The following ST13 variants were observed in gnomAD, a reference collection of about 807,000 sequenced individuals.
ST13 encodes the protein ST13 Hsp70 interacting protein, also known as hsc70-interacting protein.
Under a neutral mutation model 56.7 loss-of-function variants are expected in ST13, and 23 were observed. That is an observed-to-expected ratio of 0.41 (90% CI 0.29 to 0.57). The LOEUF is 0.57. ST13 is among the 20% of genes least tolerant of loss of function. The probability of loss-of-function intolerance (pLI) is 0.36; values close to 1 mark genes in which losing one functional copy is unlikely to be tolerated. For synonymous variants in ST13, 132 were observed against 142.4 expected, an observed-to-expected ratio of 0.93 and a Z score of 0.52; for missense variants, 369 against 459.9, an observed-to-expected ratio of 0.80 and a Z score of 1.81.
Position 40,844,829 on chromosome 22 carries a change from C to A in ST13, c.315+10G>T, listed in dbSNP as rs1312543645. On this transcript the variant is annotated intron_variant, in intron 4 of 11. Coordinates refer to ENST00000216218, the MANE Select transcript of ST13 (RefSeq NM_003932.5). ...TTAGAACAAGCAGGAAATCAAGTCACCGAACTTACCTCCGCATTTTCATCT... is the reference window on the plus strand; with the variant it reads ...TTAGAACAAGCAGGAAATCAAGTCAACGAACTTACCTCCGCATTTTCATCT... 2.5e-6 allele frequency: 4 copies of A among 1,610,888 alleles called. No individual in the cohort carries two copies. Among genetic ancestry groups the A allele is most frequent in the Non-Finnish European group, 3.4e-6 (4 of 1,177,572 alleles).
chr22:40,824,858 A>G lies in ST13; in HGVS notation c.*1680T>C, dbSNP rs534623242. On this transcript the variant is annotated 3_prime_UTR_variant, in exon 12 of 12. Coordinates refer to ENST00000216218, the MANE Select transcript of ST13 (RefSeq NM_003932.5). ...CATAATAGCTTTTTCTCATTTATGT[A>G]ACAGATGCATTTCTGTCTGCTTGTG... is the stretch of plus-strand genomic sequence containing the variant. 1 of 152,342 alleles carries G rather than the reference A, an allele frequency of 6.6e-6. No homozygotes were observed. The highest frequency in any genetic ancestry group is 2.4e-5 in the African/African-American group (1 of 41,584). 9.4% of individuals were successfully genotyped at this position (152,342 alleles called of 1,614,324 possible).
intron 3 of ST13, among the ~76,000 whole-genome samples, chr22:40,846,627 A>C (rs1345631370): frequency 6.6e-6 from 1 of 152,222 alleles, no homozygotes; most frequent in African/African-American, 2.4e-5. Context: ...CATTTTATAA[A>C]AAGTAAAAGA....
In ST13 at chr22:40,843,776, A is replaced by G. The variant is rs146271305; in HGVS notation, c.315+1063T>C. Among the ~76,000 whole-genome samples the G allele has an allele frequency of 1.1e-3, 166 of 152,366 alleles. 4 individuals carry two copies. In the East Asian group the frequency reaches 0.012, roughly 11 times the overall value. On this transcript the variant is annotated intron_variant, in intron 4 of 11. Coordinates refer to ENST00000216218, the MANE Select transcript of ST13 (RefSeq NM_003932.5). ...GAAATGAAATACAAAGCAGTAAGAAAAAGATCCAGCAAAAAGTGGAAAAAG... is the reference window on the plus strand; with the variant it reads ...GAAATGAAATACAAAGCAGTAAGAAGAAGATCCAGCAAAAAGTGGAAAAAG...
At chr22:40,833,327 T>A (rs980449432) in intron 7 of ST13, among the ~76,000 whole-genome samples, 2 of 152,046 alleles carry the variant, frequency 1.3e-5, no homozygotes, top group African/African-American at 4.8e-5. Flanking sequence ...CCCAGCACTT[T>A]GGGAGGCCGA....
intron 1 of ST13, 79 bp downstream of exon 1, chr22:40,856,352 G>C (rs1169917030): frequency 1.5e-6 from 2 of 1,306,840 alleles, no homozygotes; most frequent in Non-Finnish European, 2.2e-6. Flanking sequence ...TCGCCCGCCG[G>C]ACCGAGCCAG....
intron 7 of ST13, among the ~76,000 whole-genome samples, chr22:40,834,329 A>G (rs1602652288): frequency 6.6e-6 from 1 of 152,162 alleles, no homozygotes; most frequent in African/African-American, 2.4e-5. Flanking sequence ...AAAAACCTTC[A>G]AACTTTACTT....
chr22:40,835,653 T>C lies in ST13; in HGVS notation c.485A>G (p.Gln162Arg), dbSNP rs746356465. 2 of 1,613,882 alleles carry C rather than the reference T, an allele frequency of 1.2e-6. No homozygotes were observed. The highest frequency in any genetic ancestry group is 2.7e-5 in the African/African-American group (2 of 74,952). The change falls in exon 7 of 12, where the codon CAG becomes CGG. Residue 162 changes from glutamine to arginine, a missense_variant. By Grantham distance (43) the Gln-to-Arg change is conservative. Transcript: ENST00000216218. ...AKRASVFVKL[Q>R]KPNAAIRDCD... The stretch of plus-strand genomic sequence containing the variant: ...GTCTCGGATGGCAGCATTTGGCTTC[T>C]GTAATTTGACGAAGACACTGAAAAA...
At chr22:40,846,125 G>A (rs1258421466) in intron 3 of ST13, among the ~76,000 whole-genome samples, 2 of 152,052 alleles carry the variant, frequency 1.3e-5, no homozygotes, top group East Asian at 1.9e-4. Context: ...TAGTAGAGAT[G>A]GGGTTTCTCC....
intron 10 of ST13, among the ~76,000 whole-genome samples, chr22:40,828,635 T>C (rs1265572137): frequency 2.0e-5 from 3 of 151,294 alleles, no homozygotes; most frequent in Non-Finnish European, 4.4e-5. Context: ...AAAAATAATA[T>C]AGAGAAAGAC....
At chr22:40,835,484 T>C in intron 7 of ST13, 76 bp downstream of exon 7, 1 of 1,311,596 alleles carries the variant, frequency 7.6e-7, no homozygotes. Context: ...TTTTGTGTTT[T>C]TGTTTAAACA....
chr22:40,831,058 G>A, intron 8 of ST13, 102 bp from the exon 9 acceptor site: 2 of 771,362 alleles, frequency 2.6e-6, no homozygotes, highest in South Asian at 1.8e-5. Context: ...ATGCAGTTCA[G>A]AAAAATGACA....
chr22:40,830,120 AT>A (rs1290273043), intron 9 of ST13, among the ~76,000 whole-genome samples: 2 of 152,244 alleles, frequency 1.3e-5, no homozygotes, highest in African/African-American at 4.8e-5. Context: ...TGAACAAAAA[AT>A]AAATATCCCT....
At chr22:40,845,901 A>G (rs2057828788) in intron 3 of ST13, among the ~76,000 whole-genome samples, 1 of 152,162 alleles carries the variant, frequency 6.6e-6, no homozygotes, top group Non-Finnish European at 1.5e-5. Context: ...ATATATACAT[A>G]TATGTATATG....
chr22:40,832,419 G>A lies in ST13; in HGVS notation c.681+150C>T, dbSNP rs368582898. 50 of 626,420 alleles carry A rather than the reference G, an allele frequency of 8.0e-5. No individual in the cohort carries two copies. In the African/African-American group the frequency reaches 8.2e-4, roughly 10 times the overall value. The allele number at this position is 626,420 out of a possible 1,614,324, so 38.8% of individuals were successfully genotyped here. A position where few individuals can be genotyped will look rare whatever the true frequency, so the allele number is the denominator to read the frequency against. ...ATGAAAACCTAATGAGATCTCCAGA[G>A]TCGAGCACAAACTTCAGCAATTACA... On this transcript the variant is annotated intron_variant, in intron 8 of 11. Coordinates refer to ENST00000216218, the MANE Select transcript of ST13 (RefSeq NM_003932.5).
intron 5 of ST13, among the ~76,000 whole-genome samples, chr22:40,839,502 C>T (rs1182928255): frequency 5.3e-5 from 8 of 151,710 alleles, no homozygotes; most frequent in African/African-American, 7.3e-5. Context: ...CAGTGGTTCG[C>T]GTCTGCAATC....
At chr22:40,843,598 A>G (rs1984640599) in intron 4 of ST13, among the ~76,000 whole-genome samples, 1 of 152,218 alleles carries the variant, frequency 6.6e-6, no homozygotes, top group African/African-American at 2.4e-5. Flanking sequence ...AATGCACTAC[A>G]GCAATTATAA....
chr22:40,834,187 A>G (rs898735715), intron 7 of ST13, among the ~76,000 whole-genome samples: 2 of 151,872 alleles, frequency 1.3e-5, no homozygotes, highest in Admixed American at 6.6e-5. Context: ...AGGCTGACTG[A>G]GGCAGGATAA....
intron 1 of ST13, among the ~76,000 whole-genome samples, chr22:40,853,798 A>G (rs554866479): frequency 6.6e-6 from 1 of 152,182 alleles, no homozygotes; most frequent in East Asian, 1.9e-4. Context: ...AAACAAAGAC[A>G]CTCTCTTCGA....
At chr22:40,828,592 G>A (rs1041180353) in intron 10 of ST13, among the ~76,000 whole-genome samples, 15 of 151,732 alleles carry the variant, frequency 9.9e-5, no homozygotes, top group Non-Finnish European at 1.3e-4. Flanking sequence ...CAGCCTGGGC[G>A]ACAGAGCGAG....
Sources: gnomAD v4.1 joint callset for allele counts (sites outside exome capture counted in the v4.1 genomes callset) on GRCh38, gnomAD v4.1.1 for gene constraint, MANE v1.5 for transcripts, NCBI Gene and HGNC (gene_info 2026-07-23, HGNC 2026-07-21) for gene names.